Variants in SUMF1 observed in about 807,000 individuals in gnomAD.
SUMF1 encodes formylglycine-generating enzyme.
SUMF1 carries 48 observed loss-of-function variants against 47.6 expected under a neutral mutation model. That is an observed-to-expected ratio of 1.01 (90% confidence interval 0.80 to 1.28). The LOEUF (loss-of-function observed/expected upper bound fraction) is 1.28. Ranked by LOEUF, SUMF1 falls within the 50% of genes most tolerant of loss-of-function variation. The probability of loss-of-function intolerance (pLI) is 0.00; values close to 1 mark genes in which losing one functional copy is unlikely to be tolerated. For missense variants in SUMF1, 571 were observed against 485.4 expected (o/e 1.18, Z -1.66); for synonymous variants, 230 against 192.1 (o/e 1.20, Z -1.63).
At chr3:4,349,455 A>C (rs1699441129) in intron 8 of SUMF1, among the ~76,000 whole-genome samples, 1 of 152,192 alleles carries the variant, frequency 6.6e-6, no homozygotes, top group African/African-American at 2.4e-5. Context: ...AACCAGAAAT[A>C]CCATTTGACT....
intron 8 of SUMF1, among the ~76,000 whole-genome samples, chr3:4,204,699 G>T (rs1418306435): frequency 6.6e-6 from 1 of 151,792 alleles, no homozygotes; most frequent in Non-Finnish European, 1.5e-5. Flanking sequence ...CTCTGCTTGT[G>T]TATTTTCAGA....
At position 4,218,210 on chromosome 3, in the gene SUMF1, A is replaced by G. The variant is rs148316535; in HGVS notation, c.1015-149465T>C. 1.3e-4 allele frequency among the ~76,000 whole-genome samples: 20 copies of G among 152,228 alleles called. 1 individual carries two copies. The highest frequency in any genetic ancestry group is 2.8e-4 in the Non-Finnish European group (19 of 68,002). ...GACCTTACGAGAAATCAACCCTGTC[A>G]ACCGAACACCTTGACCTCATGCTTC... On this transcript the variant is annotated intron_variant and NMD_transcript_variant, in intron 8 of 12. Coordinates refer to the SUMF1 transcript ENST00000448413.
chr3:4,145,955 A>T (rs979814605), intron 8 of SUMF1, among the ~76,000 whole-genome samples: 2 of 152,004 alleles, frequency 1.3e-5, no homozygotes, highest in African/African-American at 4.8e-5. Context: ...GTATATTATG[A>T]TTGATTTCAC....
At chr3:4,217,083 T>C (rs1228419091) in intron 8 of SUMF1, among the ~76,000 whole-genome samples, 4 of 152,138 alleles carry the variant, frequency 2.6e-5, no homozygotes, top group Non-Finnish European at 5.9e-5. Flanking sequence ...ATTGTGGCAC[T>C]ATTCACAATA....
rs572411038 is a variant in SUMF1, at chr3:4,137,276, G to C, written c.1015-68531C>G. 3.3e-5 allele frequency among the ~76,000 whole-genome samples: 5 copies of C among 152,156 alleles called. No homozygotes were observed. The South Asian group carries it at 1.0e-3, about 32-fold the overall frequency. ...AGAAAATGTGGCACATATACACCAT[G>C]GAATACTCTGCAGCCATAAAAAAGG... On this transcript the variant is annotated intron_variant and NMD_transcript_variant, in intron 8 of 12. Coordinates refer to the SUMF1 transcript ENST00000448413.
chr3:4,333,788 T>A (rs561574329), intron 8 of SUMF1, among the ~76,000 whole-genome samples: 4 of 151,602 alleles, frequency 2.6e-5, no homozygotes, highest in African/African-American at 4.9e-5. Context: ...AATTTTTTTT[T>A]AAAGAAAGCC....
intron 8 of SUMF1, among the ~76,000 whole-genome samples, chr3:4,288,131 C>G (rs1166655956): frequency 1.3e-5 from 2 of 152,138 alleles, no homozygotes; most frequent in Non-Finnish European, 2.9e-5. Flanking sequence ...CCAGACAACA[C>G]CTAGGGAAGG....
At chr3:4,291,632 C>T (rs918108024) in intron 8 of SUMF1, among the ~76,000 whole-genome samples, 1 of 152,132 alleles carries the variant, frequency 6.6e-6, no homozygotes, top group Non-Finnish European at 1.5e-5. Flanking sequence ...ATTCCATGAT[C>T]CTGTTTGATT....
chr3:4,236,606 T>C (rs313634), intron 8 of SUMF1, among the ~76,000 whole-genome samples: 87,406 of 151,364 alleles, frequency 0.58, 25,602 homozygotes, highest in African/African-American at 0.63. Flanking sequence ...AATAAATAAA[T>C]AAACAAACTT....
At chr3:4,420,238 T>C (rs1701847932) in intron 3 of SUMF1, 92 bp from the exon 4 acceptor site, 2 of 916,816 alleles carry the variant, frequency 2.2e-6, no homozygotes, top group Non-Finnish European at 1.8e-6. Flanking sequence ...TCTCAATGTC[T>C]TCAACTTCCA....
At position 4,179,840 on chromosome 3, in the gene SUMF1, T is replaced by C. The variant is rs1189108681; in HGVS notation, c.1015-111095A>G. Among the ~76,000 whole-genome samples the C allele has an allele frequency of 2.6e-5, 4 of 151,866 alleles. No homozygotes were observed. In the East Asian group the frequency reaches 7.7e-4, roughly 29 times the overall value. On this transcript the variant is annotated intron_variant and NMD_transcript_variant, in intron 8 of 12. Transcript: ENST00000448413. Reference sequence around the variant, plus strand: ...AGAATCTACAATGAACTCAAACAAATTTACAAGAAAAAAACAAACAACCCC... The same window carrying C: ...AGAATCTACAATGAACTCAAACAAACTTACAAGAAAAAAACAAACAACCCC...
At chr3:4,106,968 AT>A (rs1165324602) in intron 8 of SUMF1, among the ~76,000 whole-genome samples, 1 of 152,110 alleles carries the variant, frequency 6.6e-6, no homozygotes, top group Non-Finnish European at 1.5e-5. Context: ...GAGAAAAAAA[AT>A]TCAGATATTT....
chr3:4,171,640 C>G (rs915884545), intron 8 of SUMF1, among the ~76,000 whole-genome samples: 3 of 152,038 alleles, frequency 2.0e-5, no homozygotes, highest in African/African-American at 7.3e-5. Context: ...CACAAAGAGG[C>G]AGTACTCAAC....
chr3:4,330,497 T>C (rs1443559608), intron 8 of SUMF1, among the ~76,000 whole-genome samples: 1 of 152,208 alleles, frequency 6.6e-6, no homozygotes, highest in Non-Finnish European at 1.5e-5. Context: ...CTCCCATTTA[T>C]AAAACCATCA....
At position 4,456,915 on chromosome 3, in the gene SUMF1, CGT is replaced by C. The variant is rs1199326928; in HGVS notation, c.271-3868_271-3867del. On this transcript the variant is annotated intron_variant, in intron 1 of 8. Coordinates refer to ENST00000272902, the MANE Select transcript of SUMF1 (RefSeq NM_182760.4). ...ATATATGTGTGTGTATATCTATATA[CGT>C]GTGTGTGTATATATATACGTGTGTG... Among the ~76,000 whole-genome samples, 73 of 42,718 alleles carry C rather than the reference CGT, an allele frequency of 1.7e-3. 4 individuals are homozygous for C. The South Asian group carries it at 0.026, about 15-fold the overall frequency. The allele number at this position is 42,718 out of a possible 152,430, so 28.0% of individuals were successfully genotyped here. A position where few individuals can be genotyped will look rare whatever the true frequency, so the allele number is the denominator to read the frequency against.
In SUMF1 at chr3:4,417,961, T is replaced by C. The variant is rs768512176; in HGVS notation, c.725+49A>G. 3.1e-6 allele frequency: 5 copies of C among 1,613,334 alleles called. No homozygotes were observed. In the East Asian group the frequency reaches 6.7e-5, roughly 22 times the overall value. The stretch of plus-strand genomic sequence containing the variant: ...ATGGAGTTTTTTGTTGTTGTTTGTT[T>C]GTTCAAATGACCAACATATTGTCAG... On this transcript the variant is annotated intron_variant, in intron 5 of 8. Coordinates refer to ENST00000272902, the MANE Select transcript of SUMF1 (RefSeq NM_182760.4).
intron 8 of SUMF1, among the ~76,000 whole-genome samples, chr3:4,369,670 A>G (rs1308428370): frequency 6.6e-6 from 1 of 152,190 alleles, no homozygotes; most frequent in Non-Finnish European, 1.5e-5. Flanking sequence ...ACCTCAGCAT[A>G]CATAAGAATG....
At chr3:4,392,619 A>G (rs1455724253) in intron 7 of SUMF1, among the ~76,000 whole-genome samples, 1,629 of 63,848 alleles carry the variant, frequency 0.026, 10 homozygotes, top group Non-Finnish European at 0.04. Flanking sequence ...GTGTGTGTAT[A>G]TATATATATA....
chr3:4,390,747 T>A lies in SUMF1; in HGVS notation c.955-14358A>T, dbSNP rs116824537. 4.5e-3 allele frequency among the ~76,000 whole-genome samples: 688 copies of A among 152,274 alleles called. 6 individuals are homozygous for A. The highest frequency in any genetic ancestry group is 0.016 in the African/African-American group (658 of 41,554). Reference sequence around the variant, plus strand: ...ACAAGCACATACCATGATACCTGGCTAATTTTTGTATTTTTTATAGAGACC... The same window carrying A: ...ACAAGCACATACCATGATACCTGGCAAATTTTTGTATTTTTTATAGAGACC... On this transcript the variant is annotated intron_variant, in intron 7 of 8. Transcript: ENST00000272902.
Sources: gnomAD v4.1 joint callset for allele counts (sites outside exome capture counted in the v4.1 genomes callset) on GRCh38, gnomAD v4.1.1 for gene constraint, MANE v1.5 for transcripts, NCBI Gene and HGNC (gene_info 2026-07-23, HGNC 2026-07-21) for gene names.